The following PDE10A variants were observed in gnomAD, a reference collection of about 807,000 sequenced individuals.
PDE10A encodes phosphodiesterase 10A.
A neutral mutation model predicts 97.7 loss-of-function variants in PDE10A; 39 were observed. That is an observed-to-expected ratio of 0.40 (90% CI 0.31 to 0.52). PDE10A has a LOEUF of 0.52. Among genes scored for constraint, PDE10A ranks in the 20% least tolerant of loss-of-function variants. The pLI is 0.56. For missense variants in PDE10A, 731 were observed against 1,047.8 expected (o/e 0.70, Z 4.17); for synonymous variants, 371 against 376.8 (o/e 0.98, Z 0.18).
intron 1 of PDE10A, among the ~76,000 whole-genome samples, chr6:165,778,768 C>T (rs7761049): frequency 0.062 from 9,367 of 152,214 alleles, 918 homozygotes; most frequent in African/African-American, 0.21. Context: ...GGTTGAGCAT[C>T]TTTTCATATT....
At chr6:165,852,187 C>G (rs1780590739) in intron 1 of PDE10A, among the ~76,000 whole-genome samples, 3 of 152,160 alleles carry the variant, frequency 2.0e-5, no homozygotes, top group Admixed American at 2.0e-4. Flanking sequence ...CTCTTAGAAG[C>G]CTGTGAGGCC....
intron 1 of PDE10A, among the ~76,000 whole-genome samples, chr6:165,618,378 C>T (rs1387608303): frequency 6.6e-6 from 1 of 152,088 alleles, no homozygotes; most frequent in Non-Finnish European, 1.5e-5. Flanking sequence ...CTGTATCATA[C>T]CCCAAACCGG....
chr6:165,887,783 T>C (rs1005507011), intron 1 of PDE10A, among the ~76,000 whole-genome samples: 1 of 152,274 alleles, frequency 6.6e-6, no homozygotes, highest in Non-Finnish European at 1.5e-5. Context: ...ACTCTGATTA[T>C]CTGATTGGCC....
chr6:165,448,977 G>A lies in PDE10A; in HGVS notation c.1145C>T (p.Ala382Val). The change falls in exon 5 of 22, where the codon GCC (alanine) becomes GTC (valine). Residue 382 changes from alanine to valine, a missense_variant and splice_region_variant. This residue lies in a region of PDE10A where 152 missense variants were observed against 199.3 expected (regional missense o/e 0.76). Coordinates refer to ENST00000539869, the MANE Select transcript of PDE10A (RefSeq NM_001385079.1). ...CAGTGCAAATCCATCGGCTTTTGTGGCTGCCAAAGTAATAAGAAAAGGAAG... is the reference window on the plus strand; with the variant it reads ...CAGTGCAAATCCATCGGCTTTTGTGACTGCCAAAGTAATAAGAAAAGGAAG... Reference protein sequence around the residue: ...LYELSSIIKIATKADGFALYF... With the variant: ...LYELSSIIKIVTKADGFALYF... 12 of 1,611,434 alleles carry A rather than the reference G, an allele frequency of 7.4e-6. No individual in the cohort carries two copies. The highest frequency in any genetic ancestry group is 1.0e-5 in the Non-Finnish European group (12 of 1,177,794).
chr6:165,562,371 T>A (rs1047016750), intron 1 of PDE10A, among the ~76,000 whole-genome samples: 1 of 152,166 alleles, frequency 6.6e-6, no homozygotes, highest in Non-Finnish European at 1.5e-5. Flanking sequence ...CCAACTATTT[T>A]ACATGAAAAC....
At chr6:165,666,881 C>T (rs1218278644), upstream of PDE10A, among the ~76,000 whole-genome samples, 1 of 152,166 alleles carries the variant, frequency 6.6e-6, no homozygotes, top group Non-Finnish European at 1.5e-5. Context: ...AGGGAGACTG[C>T]CTCTCCAACT....
chr6:165,839,971 TCATCCC>T (rs1780199227), intron 1 of PDE10A, among the ~76,000 whole-genome samples: 1 of 48,926 alleles, frequency 2.0e-5, no homozygotes, highest in Non-Finnish European at 4.3e-5. Context: ...ATCTCTGTCT[TCATCCC>T]CATCCCCATC....
At chr6:165,857,245 A>G (rs1780761824) in intron 1 of PDE10A, among the ~76,000 whole-genome samples, 1 of 152,124 alleles carries the variant, frequency 6.6e-6, no homozygotes, top group Non-Finnish European at 1.5e-5. Flanking sequence ...TCAGTCGGCT[A>G]AGTATGCATA....
chr6:165,576,853 A>G (rs1249048910), intron 1 of PDE10A, among the ~76,000 whole-genome samples: 1 of 152,118 alleles, frequency 6.6e-6, no homozygotes, highest in Non-Finnish European at 1.5e-5. Context: ...GTTAGCCATC[A>G]TTTTCCCCTC....
intron 1 of PDE10A, among the ~76,000 whole-genome samples, chr6:165,849,378 TG>T (rs1382049507): frequency 1.3e-5 from 2 of 152,216 alleles, no homozygotes; most frequent in East Asian, 3.8e-4. Flanking sequence ...ATCCCGCTTT[TG>T]GGGGTTGTTG....
At chr6:165,987,452 C>T (rs920915519) in intron 1 of PDE10A, 1 of 340,348 alleles carries the variant, frequency 2.9e-6, no homozygotes, top group Non-Finnish European at 5.8e-6. Flanking sequence ...AGTACACGCA[C>T]ACACACACAA....
intron 1 of PDE10A, among the ~76,000 whole-genome samples, chr6:165,795,426 G>T (rs2128464460): frequency 6.6e-6 from 1 of 152,160 alleles, no homozygotes; most frequent in Middle Eastern, 3.4e-3. Flanking sequence ...CCTGTGACTG[G>T]CATAAAAATG....
chr6:165,552,309 G>C (rs964391214), intron 1 of PDE10A, among the ~76,000 whole-genome samples: 1 of 152,220 alleles, frequency 6.6e-6, no homozygotes, highest in African/African-American at 2.4e-5. Flanking sequence ...AGACCTGACA[G>C]TGCTCTTCTA....
At chr6:165,507,503 G>A (rs897145855) in intron 2 of PDE10A, among the ~76,000 whole-genome samples, 2 of 152,024 alleles carry the variant, frequency 1.3e-5, no homozygotes, top group African/African-American at 4.8e-5. Flanking sequence ...AGACACCCCA[G>A]TATCCAACTA....
At chr6:165,601,302 T>C (rs990115964) in intron 1 of PDE10A, among the ~76,000 whole-genome samples, 2 of 152,216 alleles carry the variant, frequency 1.3e-5, no homozygotes, top group African/African-American at 4.8e-5. Context: ...GGTATGTCTT[T>C]ATCAGCAGTG....
chr6:165,618,506 C>T (rs1787828950), intron 1 of PDE10A, among the ~76,000 whole-genome samples: 1 of 152,154 alleles, frequency 6.6e-6, no homozygotes, highest in Admixed American at 6.5e-5. Flanking sequence ...GGCCCGCCCA[C>T]CTTCAGGAGA....
chr6:165,417,766 G>A (rs1324651719), intron 11 of PDE10A, among the ~76,000 whole-genome samples: 1 of 152,138 alleles, frequency 6.6e-6, no homozygotes, highest in African/African-American at 2.4e-5. Flanking sequence ...GGGCCCCACG[G>A]TGAGGCACAC....
At chr6:165,737,738 C>A (rs1322214803) in intron 1 of PDE10A, among the ~76,000 whole-genome samples, 3 of 152,160 alleles carry the variant, frequency 2.0e-5, no homozygotes, top group African/African-American at 7.2e-5. Context: ...TCTAAGATCA[C>A]GAACAAGACA....
rs200341364 is a variant in PDE10A, at chr6:165,610,630, AATG to A, written c.865+51314_865+51316del. ...AGAAAATATTGCTTTTGCTCCCATA[AATG>A]ATAACTTGTGGAACTTTTTAACACA... On this transcript the variant is annotated intron_variant, in intron 1 of 21. Transcript: ENST00000539869. 7.1e-3 allele frequency among the ~76,000 whole-genome samples: 1,074 copies of A among 152,304 alleles called. 4 individuals carry two copies. Among genetic ancestry groups the A allele is most frequent in the Middle Eastern group, 0.017 (5 of 292 alleles).
Sources: allele counts gnomAD v4.1 joint callset (sites outside exome capture counted in the v4.1 genomes callset), GRCh38; gene constraint gnomAD v4.1.1; regional missense constraint gnomAD v4.1.1; transcripts MANE v1.5; gene names NCBI Gene and HGNC (gene_info 2026-07-23, HGNC 2026-07-21).